The following PTPRK variants were observed in gnomAD, a reference collection of about 807,000 sequenced individuals.
PTPRK encodes the protein protein tyrosine phosphatase receptor type K, also known as receptor-type tyrosine-protein phosphatase kappa.
In PTPRK, 75 loss-of-function variants were observed where a neutral mutation model predicts 178.0. The observed-to-expected ratio is 0.42, with a 90% CI of 0.35 to 0.51. The LOEUF (loss-of-function observed/expected upper bound fraction) is 0.51, where lower values mean the gene tolerates loss of function less well. Ranked by LOEUF, PTPRK falls within the 20% of genes least tolerant of loss-of-function variation. The pLI, the probability that PTPRK is intolerant of heterozygous loss-of-function variation, is 0.02. For missense variants in PTPRK, 1,441 were observed against 1,797.8 expected, an observed-to-expected ratio of 0.80 and a Z score of 3.59; for synonymous variants, 637 against 620.6, an observed-to-expected ratio of 1.03 and a Z score of -0.39.
At chr6:128,291,205 A>G (rs931827770) in intron 3 of PTPRK, among the ~76,000 whole-genome samples, 3 of 152,074 alleles carry the variant, frequency 2.0e-5, no homozygotes, top group Non-Finnish European at 2.9e-5. Flanking sequence ...GAGGGATTCA[A>G]TGGGAGAAGG....
chr6:128,208,965 C>T (rs567214721), intron 6 of PTPRK, among the ~76,000 whole-genome samples: 1 of 152,090 alleles, frequency 6.6e-6, no homozygotes, highest in South Asian at 2.1e-4. Flanking sequence ...TATCCAATAT[C>T]CCAAACAAAA....
chr6:128,193,238 T>G (rs1804167300), intron 6 of PTPRK, among the ~76,000 whole-genome samples: 1 of 119,654 alleles, frequency 8.4e-6, no homozygotes, highest in Non-Finnish European at 1.6e-5. Context: ...TCTAAGCAAC[T>G]GCTTAGTGAC....
At chr6:128,449,393 C>T (rs990498435) in intron 1 of PTPRK, among the ~76,000 whole-genome samples, 1 of 152,164 alleles carries the variant, frequency 6.6e-6, no homozygotes, top group East Asian at 1.9e-4. Flanking sequence ...CTATTTTGCT[C>T]ACTCATGGTA....
At chr6:128,053,291 G>A (rs755914979) in intron 13 of PTPRK, among the ~76,000 whole-genome samples, 8 of 151,810 alleles carry the variant, frequency 5.3e-5, no homozygotes, top group South Asian at 2.1e-4. Flanking sequence ...TTCCCTGTGC[G>A]GCTGTGCTCC....
chr6:128,150,171 AC>A (rs1797053178), intron 7 of PTPRK, among the ~76,000 whole-genome samples: 1 of 152,062 alleles, frequency 6.6e-6, no homozygotes, highest in African/African-American at 2.4e-5. Context: ...AGTAAACCAG[AC>A]TCAAAACTCC....
intron 2 of PTPRK, among the ~76,000 whole-genome samples, chr6:128,372,634 A>C (rs1264501148): frequency 6.6e-6 from 1 of 152,160 alleles, no homozygotes; most frequent in African/African-American, 2.4e-5. Context: ...ACTTGATTTT[A>C]GGTTACTGAG....
intron 3 of PTPRK, among the ~76,000 whole-genome samples, chr6:128,243,509 A>AAGAAAAGAAAAG (rs1554367485): frequency 8.0e-5 from 11 of 137,628 alleles, no homozygotes; most frequent in African/African-American, 3.4e-4. Flanking sequence ...AAAAAAAAAA[A>AAGAAAAGAAAAG]AAAAGAAAAG....
At chr6:128,270,818 T>C (rs1819688127) in intron 3 of PTPRK, among the ~76,000 whole-genome samples, 1 of 152,174 alleles carries the variant, frequency 6.6e-6, no homozygotes, top group East Asian at 1.9e-4. Flanking sequence ...TCATTCTGTT[T>C]AAATAGACCA....
At chr6:128,356,785 A>G (rs961404809) in intron 2 of PTPRK, among the ~76,000 whole-genome samples, 6 of 152,340 alleles carry the variant, frequency 3.9e-5, no homozygotes, top group South Asian at 2.1e-4. Flanking sequence ...CCAAATTAGT[A>G]TGAACAATAG....
intron 5 of PTPRK, among the ~76,000 whole-genome samples, chr6:128,221,481 G>A (rs112620509): frequency 0.05 from 7,563 of 150,328 alleles, 464 homozygotes; most frequent in African/African-American, 0.15. Context: ...CCGAGATCAC[G>A]CCACTGCACT....
intron 2 of PTPRK, among the ~76,000 whole-genome samples, chr6:128,395,226 C>T (rs1045833513): frequency 4.6e-5 from 7 of 152,126 alleles, no homozygotes; most frequent in African/African-American, 1.7e-4. Context: ...GAATAACATA[C>T]ATGAGTGCTT....
intron 3 of PTPRK, among the ~76,000 whole-genome samples, chr6:128,244,561 A>G (rs1562860585): frequency 6.6e-6 from 1 of 152,224 alleles, no homozygotes; most frequent in Non-Finnish European, 1.5e-5. Context: ...TACAATAACA[A>G]TAATTTAAAG....
chr6:128,309,036 C>A (rs1826855789), intron 3 of PTPRK, among the ~76,000 whole-genome samples: 1 of 152,078 alleles, frequency 6.6e-6, no homozygotes, highest in African/African-American at 2.4e-5. Context: ...ATAGGGTTGC[C>A]ATTCTCTATA....
intron 3 of PTPRK, among the ~76,000 whole-genome samples, chr6:128,275,918 GT>G (rs1164932573): frequency 2.6e-5 from 4 of 151,702 alleles, no homozygotes; most frequent in Non-Finnish European, 4.4e-5. Context: ...TTTGCCTTTT[GT>G]TTTTTGGCAA....
At chr6:128,323,165 C>T (rs1332212547) in intron 2 of PTPRK, among the ~76,000 whole-genome samples, 1 of 152,092 alleles carries the variant, frequency 6.6e-6, no homozygotes, top group Non-Finnish European at 1.5e-5. Context: ...GTCCCACTCT[C>T]ATAGCTCACA....
chr6:128,189,402 G>A (rs929610566), intron 6 of PTPRK, among the ~76,000 whole-genome samples: 1 of 151,444 alleles, frequency 6.6e-6, no homozygotes, highest in African/African-American at 2.4e-5. Flanking sequence ...ACCACACCCG[G>A]CTAATTTTTG....
intron 13 of PTPRK, among the ~76,000 whole-genome samples, chr6:128,022,769 C>T (rs1274375276): frequency 6.6e-6 from 1 of 152,194 alleles, no homozygotes; most frequent in Non-Finnish European, 1.5e-5. Flanking sequence ...TTGCTCTTTC[C>T]ATGGATATCA....
chr6:128,146,730 C>T (rs1461670868), intron 7 of PTPRK, among the ~76,000 whole-genome samples: 3 of 151,838 alleles, frequency 2.0e-5, no homozygotes, highest in East Asian at 3.9e-4. Context: ...GCCCAGCCTA[C>T]GATACTGTTT....
intron 2 of PTPRK, among the ~76,000 whole-genome samples, chr6:128,384,494 G>T (rs1393908033): frequency 6.6e-6 from 1 of 152,078 alleles, no homozygotes; most frequent in Non-Finnish European, 1.5e-5. Flanking sequence ...CTGGTGTTAG[G>T]CCACATTCAA....
Sources: gnomAD v4.1 joint callset for allele counts (sites outside exome capture counted in the v4.1 genomes callset) on GRCh38, gnomAD v4.1.1 for gene constraint, MANE v1.5 for transcripts, NCBI Gene and HGNC (gene_info 2026-07-23, HGNC 2026-07-21) for gene names.